SDR42E2: variants seen among roughly 807,000 people sequenced by gnomAD.
SDR42E2 encodes the protein putative short-chain dehydrogenase/reductase family 42E member 2.
A neutral mutation model predicts 10.5 loss-of-function variants in SDR42E2; 20 were observed. The ratio of observed to expected loss-of-function variants is 1.90; its 90% confidence interval spans 1.34 to 2.77. The LOEUF (loss-of-function observed/expected upper bound fraction) is 2.77. Among genes scored for constraint, SDR42E2 ranks in the 30% most tolerant of loss-of-function variants. The pLI, the probability that SDR42E2 is intolerant of heterozygous loss-of-function variation, is 0.00. For synonymous variants in SDR42E2, 72 were observed against 39.2 expected, an observed-to-expected ratio of 1.84 and a Z score of -3.12; for missense variants, 162 against 104.2, an observed-to-expected ratio of 1.55 and a Z score of -2.42.
chr16:22,176,012 T>A (rs1394930426), intron 7 of SDR42E2, among the ~76,000 whole-genome samples: 1 of 152,216 alleles, frequency 6.6e-6, no homozygotes, highest in Non-Finnish European at 1.5e-5. Flanking sequence ...AAAGTCATTT[T>A]AAATATTTTC....
chr16:22,190,225 C>T lies in SDR42E2; in HGVS notation c.1101C>T (p.Ala367=). 1 of 401,162 alleles carries T rather than the reference C, an allele frequency of 2.5e-6. No individual in the cohort carries two copies. The highest frequency in any genetic ancestry group is 4.4e-6 in the Non-Finnish European group (1 of 226,146). 24.9% of individuals were successfully genotyped at this position (401,162 alleles called of 1,614,324 possible). The change falls in exon 13 of 13, where the codon GCC becomes GCT. Residue 367 remains alanine, a synonymous_variant. Transcript: ENST00000602312. ...ACGCGCCGGATAAGTTTAGGTTCGC[C>T]GACGCCGTGGAGCTATACGTGCAGT... ...LGYAPDKFRF[A]DAVELYVQST... is the part of the protein sequence containing the mutation.
chr16:22,173,101 C>A (rs1393771901), intron 7 of SDR42E2, among the ~76,000 whole-genome samples: 2 of 152,070 alleles, frequency 1.3e-5, no homozygotes, highest in Non-Finnish European at 2.9e-5. Context: ...TTTATATTGC[C>A]TCTTCTGGTT....
At chr16:22,169,283 G>A (rs964483784) in intron 4 of SDR42E2, among the ~76,000 whole-genome samples, 162 bp from the exon 5 acceptor site, 3 of 152,138 alleles carry the variant, frequency 2.0e-5, no homozygotes, top group African/African-American at 7.2e-5. Flanking sequence ...CAGGAAGATG[G>A]TGGCAGAGCC....
intron 11 of SDR42E2, among the ~76,000 whole-genome samples, chr16:22,186,036 T>A (rs2046734251): frequency 6.6e-6 from 1 of 151,150 alleles, no homozygotes; most frequent in Non-Finnish European, 1.5e-5. Flanking sequence ...CCACCACACC[T>A]GGTTCTCACA....
chr16:22,166,065 TGTACCTGGGCCGGGAGCTGGATCG>T lies in SDR42E2; in HGVS notation c.56-137_56-114del, dbSNP rs1309596437. Among the ~76,000 whole-genome samples, 1,390 of 147,772 alleles carry T rather than the reference TGTACCTGGGCCGGGAGCTGGATCG, an allele frequency of 9.4e-3. 25 individuals carry two copies. Among genetic ancestry groups the T allele is most frequent in the African/African-American group, 0.033 (1,281 of 38,908 alleles). On this transcript the variant is annotated intron_variant, in intron 2 of 12. Transcript: ENST00000602312. ...TAGGAGCTGGGCCAGGAGCTGGGTC[TGTACCTGGGCCGGGAGCTGGATCG>T]GTACCTGGGCCGGGAGCTGGATCGG...
intron 1 of SDR42E2, among the ~76,000 whole-genome samples, chr16:22,163,305 C>T (rs1344413935): frequency 1.3e-5 from 2 of 152,138 alleles, no homozygotes; most frequent in Non-Finnish European, 2.9e-5. Context: ...GAACAGAGTC[C>T]TCTGGGCCTG....
At position 22,184,163 on chromosome 16, in the gene SDR42E2, G is replaced by C. The variant is rs529223979; in HGVS notation, c.877-18G>C. 6 of 401,184 alleles carry C rather than the reference G, an allele frequency of 1.5e-5. No homozygotes were observed. In the South Asian group the frequency reaches 7.5e-4, roughly 50 times the overall value. The allele number at this position is 401,184 out of a possible 1,614,324, so 24.9% of individuals were successfully genotyped here. A position where few individuals can be genotyped will look rare whatever the true frequency, so the allele number is the denominator to read the frequency against. Reference sequence around the variant, plus strand: ...CCCTGAACCACTTGTTCTCACTCCAGGTCGTGTTTCTTTGCAGTTTGAGAA... The same window carrying C: ...CCCTGAACCACTTGTTCTCACTCCACGTCGTGTTTCTTTGCAGTTTGAGAA... On this transcript the variant is annotated intron_variant, in intron 10 of 12. Coordinates refer to ENST00000602312, the MANE Select transcript of SDR42E2 (RefSeq NM_001394319.2).
At position 22,170,948 on chromosome 16, in the gene SDR42E2, C is replaced by T. The variant is rs536814848; in HGVS notation, c.510C>T (p.Asp170=). Residue 170 remains aspartate, a synonymous_variant, in exon 6 of 13, where the codon GAC becomes GAT. Transcript: ENST00000602312. ...ACTCTGTGCCATATTTCCCATTGGA[C>T]GAGGTACCTGTCTTCCGGGAGAGGT... ...DEDSVPYFPL[D]EHVDHYSRTK... 2.4e-4 allele frequency: 171 copies of T among 702,996 alleles called. 2 individuals carry two copies. The African/African-American group carries it at 2.5e-3, about 10-fold the overall frequency. 43.5% of individuals were successfully genotyped at this position (702,996 alleles called of 1,614,324 possible).
At chr16:22,174,203 C>T (rs572178882) in intron 7 of SDR42E2, among the ~76,000 whole-genome samples, 5 of 151,922 alleles carry the variant, frequency 3.3e-5, no homozygotes, top group African/African-American at 7.2e-5. Context: ...CATGGCAATG[C>T]GTCCCTGTAA....
chr16:22,163,055 A>G (rs1239366069), intron 1 of SDR42E2, among the ~76,000 whole-genome samples: 3 of 152,114 alleles, frequency 2.0e-5, no homozygotes, highest in East Asian at 1.9e-4. Context: ...GAGCTTTGCA[A>G]TCTAGCCTCG....
At position 22,172,318 on chromosome 16, in the gene SDR42E2, G is replaced by A; in HGVS notation, c.576G>A (p.Gly192=). Residue 192 remains glycine, a synonymous_variant, in exon 7 of 13, where the codon GGG becomes GGA. Transcript: ENST00000602312. ...IADQLTLMAN[G]MPLPGGGTLR... is the part of the protein sequence containing the mutation. ...ACCAATTGACCCTCATGGCCAATGGGATGCCTCTCCCAGGTGAGTATCATG... is the reference window on the plus strand; with the variant it reads ...ACCAATTGACCCTCATGGCCAATGGAATGCCTCTCCCAGGTGAGTATCATG... The A allele has an allele frequency of 1.4e-6, 1 of 703,404 alleles. No individual in the cohort carries two copies. Among genetic ancestry groups the A allele is most frequent in the Non-Finnish European group, 2.6e-6 (1 of 385,014 alleles). The allele number at this position is 703,404 out of a possible 1,614,324, so 43.6% of individuals were successfully genotyped here.
intron 2 of SDR42E2, 132 bp from the exon 3 acceptor site, chr16:22,166,118 C>G (rs1236031080): frequency 2.1e-6 from 1 of 485,256 alleles, no homozygotes; most frequent in Non-Finnish European, 3.6e-6. Flanking sequence ...GGATCGGTAC[C>G]TGGGCCGGGA....
chr16:22,164,221 A>G (rs550048669), intron 1 of SDR42E2, among the ~76,000 whole-genome samples: 1 of 152,004 alleles, frequency 6.6e-6, no homozygotes, highest in Non-Finnish European at 1.5e-5. Context: ...GGAGTTCACT[A>G]CTAGCCTGGG....
intron 7 of SDR42E2, among the ~76,000 whole-genome samples, chr16:22,175,885 C>T (rs1016003295): frequency 2.2e-4 from 33 of 151,404 alleles, no homozygotes; most frequent in Middle Eastern, 3.4e-3. Context: ...CCCAGCTACT[C>T]GGGAGGCTGA....
At position 22,190,157 on chromosome 16, in the gene SDR42E2, A is replaced by G. The variant is rs1163340716; in HGVS notation, c.1033A>G (p.Thr345Ala). The G allele has an allele frequency of 5.0e-6, 2 of 400,942 alleles. No individual in the cohort carries two copies. Among genetic ancestry groups the G allele is most frequent in the African/African-American group, 2.1e-5 (1 of 48,674 alleles). The allele number at this position is 400,942 out of a possible 1,614,324, so 24.8% of individuals were successfully genotyped here. ...TRSEVRSVAV[T>A]HTFQIAKARA... Reference sequence around the variant, plus strand: ...CCCGCAGGTGCGCAGCGTGGCCGTGACGCACACCTTCCAGATAGCCAAGGC... The same window carrying G: ...CCCGCAGGTGCGCAGCGTGGCCGTGGCGCACACCTTCCAGATAGCCAAGGC... The change falls in exon 13 of 13, where the codon ACG becomes GCG. Residue 345 changes from threonine (T) to alanine (A), a missense_variant. Physicochemically the swap from Thr to Ala is moderately conservative, Grantham distance 58. Transcript: ENST00000602312.
intron 12 of SDR42E2, among the ~76,000 whole-genome samples, chr16:22,189,193 C>A (rs1392349434): frequency 2.0e-5 from 3 of 152,170 alleles, no homozygotes; most frequent in Non-Finnish European, 4.4e-5. Context: ...CATTAAGCAT[C>A]CAAGACCACA....
intron 8 of SDR42E2, among the ~76,000 whole-genome samples, chr16:22,179,942 T>A (rs2046679099): frequency 6.6e-6 from 1 of 152,040 alleles, no homozygotes; most frequent in East Asian, 1.9e-4. Flanking sequence ...GAGCATCCAC[T>A]TGACAGAGGT....
intron 1 of SDR42E2, among the ~76,000 whole-genome samples, chr16:22,163,142 G>A (rs967506920): frequency 5.9e-5 from 9 of 152,146 alleles, no homozygotes; most frequent in Non-Finnish European, 1.0e-4. Context: ...GGGTCCATTC[G>A]CGGTTGTGGG....
At chr16:22,185,949 G>A (rs2046733664) in intron 11 of SDR42E2, among the ~76,000 whole-genome samples, 1 of 150,110 alleles carries the variant, frequency 6.7e-6, no homozygotes, top group South Asian at 2.1e-4. Context: ...TCACTTTGTT[G>A]TCTAGGCTGG....
Sources: allele counts gnomAD v4.1 joint callset (sites outside exome capture counted in the v4.1 genomes callset), GRCh38; gene constraint gnomAD v4.1.1; transcripts MANE v1.5; gene names NCBI Gene and HGNC (gene_info 2026-07-23, HGNC 2026-07-21).